PEBP4: variants seen among roughly 807,000 people sequenced by gnomAD.
The protein encoded by PEBP4 is phosphatidylethanolamine binding protein 4.
A neutral mutation model predicts 23.9 loss-of-function variants in PEBP4; 22 were observed. That is an observed-to-expected ratio of 0.92 (90% CI 0.66 to 1.31). The LOEUF (loss-of-function observed/expected upper bound fraction) is 1.31. PEBP4 is among the 40% of genes most tolerant of loss of function. PEBP4 has a pLI of 0.00. For missense variants in PEBP4, 324 were observed against 281.7 expected (o/e 1.15, Z -1.07); for synonymous variants, 112 against 99.3 (o/e 1.13, Z -0.76).
chr8:22,928,092 G>A (rs1809391180), upstream of PEBP4, among the ~76,000 whole-genome samples: 2 of 152,250 alleles, frequency 1.3e-5, no homozygotes, highest in South Asian at 4.1e-4. Flanking sequence ...GTTGGCCCAG[G>A]GATGGTCAGC....
At chr8:22,787,029 C>G (rs985478227) in intron 4 of PEBP4, among the ~76,000 whole-genome samples, 2 of 152,132 alleles carry the variant, frequency 1.3e-5, no homozygotes. Flanking sequence ...CTCTGTGTTG[C>G]CCAGGCTGGT....
chr8:22,921,364 G>A (rs1218068760), intron 2 of PEBP4, among the ~76,000 whole-genome samples: 7 of 152,188 alleles, frequency 4.6e-5, no homozygotes, highest in African/African-American at 7.2e-5. Context: ...CACCCACAGC[G>A]GTCCACAGTG....
chr8:22,798,142 A>G (rs944515218), intron 4 of PEBP4, among the ~76,000 whole-genome samples: 3 of 152,200 alleles, frequency 2.0e-5, no homozygotes, highest in African/African-American at 7.2e-5. Context: ...CTTTCAAAAA[A>G]GAACAGCACT....
At chr8:22,888,779 G>T (rs985732041) in intron 3 of PEBP4, among the ~76,000 whole-genome samples, 2 of 152,224 alleles carry the variant, frequency 1.3e-5, no homozygotes, top group Non-Finnish European at 2.9e-5. Context: ...CAGCTGACTG[G>T]TTCCTCACTT....
chr8:22,807,134 C>T, intron 4 of PEBP4, among the ~76,000 whole-genome samples: 1 of 152,168 alleles, frequency 6.6e-6, no homozygotes, highest in Non-Finnish European at 1.5e-5. Flanking sequence ...AATCTAAGCT[C>T]TTTCTGGACC....
intron 3 of PEBP4, among the ~76,000 whole-genome samples, chr8:22,851,903 C>T (rs1338051266): frequency 6.6e-6 from 1 of 152,144 alleles, no homozygotes; most frequent in Non-Finnish European, 1.5e-5. Context: ...TTACTCCGAG[C>T]ACCTGGTGGT....
chr8:22,858,556 ATTC>A, intron 3 of PEBP4, among the ~76,000 whole-genome samples: 1 of 152,230 alleles, frequency 6.6e-6, no homozygotes, highest in Non-Finnish European at 1.5e-5. Context: ...TTTTCTCAAT[ATTC>A]TTAGAAAGCA....
At chr8:22,788,917 G>C (rs1456038606) in intron 4 of PEBP4, among the ~76,000 whole-genome samples, 4 of 152,184 alleles carry the variant, frequency 2.6e-5, no homozygotes, top group Admixed American at 2.6e-4. Flanking sequence ...TAGAGGATTG[G>C]CTGAGTAAAT....
In PEBP4 at chr8:22,827,047, C is replaced by A. The variant is rs546379810; in HGVS notation, c.259-9312G>T. ...AAGGAGAGCTCAGAGAACCCTCATTCCACTTTTGAAGGTTATTTGGGGAAG... is the reference window on the plus strand; with the variant it reads ...AAGGAGAGCTCAGAGAACCCTCATTACACTTTTGAAGGTTATTTGGGGAAG... On this transcript the variant is annotated intron_variant, in intron 3 of 6. Transcript: ENST00000256404. 7.2e-5 allele frequency among the ~76,000 whole-genome samples: 11 copies of A among 152,254 alleles called. No individual in the cohort carries two copies. The South Asian group carries it at 2.3e-3, about 32-fold the overall frequency.
chr8:22,738,737 TCA>T (rs1804924623), intron 4 of PEBP4, among the ~76,000 whole-genome samples: 1 of 152,162 alleles, frequency 6.6e-6, no homozygotes, highest in Admixed American at 6.5e-5. Context: ...TGTAGTATGC[TCA>T]CACACCCACA....
chr8:22,920,726 T>C (rs906353924), intron 2 of PEBP4, among the ~76,000 whole-genome samples: 1 of 152,252 alleles, frequency 6.6e-6, no homozygotes, highest in Admixed American at 6.5e-5. Flanking sequence ...GGAACATTCT[T>C]ATTACAGAAA....
At chr8:22,804,278 C>A (rs189153388) in intron 4 of PEBP4, among the ~76,000 whole-genome samples, 4 of 152,100 alleles carry the variant, frequency 2.6e-5, no homozygotes, top group Non-Finnish European at 5.9e-5. Context: ...CTGCAGTGAG[C>A]TATGACTGCA....
At chr8:22,732,996 C>A (rs959855469) in intron 4 of PEBP4, among the ~76,000 whole-genome samples, 1 of 152,148 alleles carries the variant, frequency 6.6e-6, no homozygotes, top group Non-Finnish European at 1.5e-5. Flanking sequence ...CAGACTTGTC[C>A]CGTCTGGGTC....
intron 3 of PEBP4, among the ~76,000 whole-genome samples, chr8:22,822,811 T>C (rs1343370764): frequency 2.0e-5 from 3 of 151,972 alleles, no homozygotes; most frequent in Admixed American, 6.5e-5. Flanking sequence ...GAAACTTGGA[T>C]AGAAAAAGAA....
intron 4 of PEBP4, among the ~76,000 whole-genome samples, chr8:22,784,139 G>T (rs1452389665): frequency 6.6e-6 from 1 of 152,172 alleles, no homozygotes; most frequent in African/African-American, 2.4e-5. Context: ...GACAGCCCCT[G>T]GCCCACAGCA....
chr8:22,921,904 A>G (rs1809209111), intron 2 of PEBP4, among the ~76,000 whole-genome samples: 1 of 152,252 alleles, frequency 6.6e-6, no homozygotes, highest in South Asian at 2.1e-4. Context: ...GCAGAGAGAC[A>G]GACAGCAAAC....
chr8:22,735,255 G>C (rs967999195), intron 4 of PEBP4, among the ~76,000 whole-genome samples: 3 of 152,194 alleles, frequency 2.0e-5, no homozygotes, highest in Admixed American at 6.5e-5. Flanking sequence ...CCATGCTGGG[G>C]GGAGCAGAGA....
chr8:22,815,640 C>T (rs1806725786), intron 4 of PEBP4, among the ~76,000 whole-genome samples: 1 of 152,240 alleles, frequency 6.6e-6, no homozygotes, highest in South Asian at 2.1e-4. Flanking sequence ...GAAACCCGCG[C>T]CTCCTCCGGC....
chr8:22,724,959 A>G lies in PEBP4; in HGVS notation c.404-3T>C. ...CGGTGGGGAGGGAGCCTGGTAGGCT[A>G]TAGGTAGAAGCAGGAGAGAGGTGAG... On this transcript the variant is annotated splice_region_variant and splice_polypyrimidine_tract_variant and intron_variant, in intron 5 of 6. Coordinates refer to ENST00000256404, the MANE Select transcript of PEBP4 (RefSeq NM_144962.3). 1 of 1,607,712 alleles carries G rather than the reference A, an allele frequency of 6.2e-7. No homozygotes were observed. The highest frequency in any genetic ancestry group is 8.5e-7 in the Non-Finnish European group (1 of 1,174,506).
Sources: gnomAD v4.1 joint callset for allele counts (sites outside exome capture counted in the v4.1 genomes callset) on GRCh38, gnomAD v4.1.1 for gene constraint, MANE v1.5 for transcripts, NCBI Gene and HGNC (gene_info 2026-07-23, HGNC 2026-07-21) for gene names.